Variants in ERMP1 observed in about 807,000 individuals in gnomAD.
ERMP1 encodes the protein Felix-ina.
A neutral mutation model predicts 92.0 loss-of-function variants in ERMP1; 86 were observed. The observed-to-expected ratio is 0.93, with a 90% confidence interval of 0.79 to 1.12. The LOEUF (loss-of-function observed/expected upper bound fraction) is 1.12, where lower values mean the gene tolerates loss of function less well. Ranked by LOEUF, ERMP1 falls within the 50% of genes most tolerant of loss-of-function variation. The pLI is 0.00. For missense variants in ERMP1, 1,342 were observed against 1,116.3 expected, an observed-to-expected ratio of 1.20 and a Z score of -2.88; for synonymous variants, 530 against 412.8, an observed-to-expected ratio of 1.28 and a Z score of -3.44.
intron 2 of ERMP1, among the ~76,000 whole-genome samples, chr9:5,825,530 T>C (rs1323168822): frequency 6.6e-6 from 1 of 152,242 alleles, no homozygotes; most frequent in African/African-American, 2.4e-5. Flanking sequence ...AAACTGGTAT[T>C]CTCAGCAAAC....
At chr9:5,825,838 T>C (rs1829711525) in intron 2 of ERMP1, among the ~76,000 whole-genome samples, 1 of 152,238 alleles carries the variant, frequency 6.6e-6, no homozygotes. Context: ...ACACACTCAG[T>C]TGAATCTCTG....
At chr9:5,801,068 A>G (rs1192592881) in intron 11 of ERMP1, 108 bp downstream of exon 11, 6 of 1,181,486 alleles carry the variant, frequency 5.1e-6, no homozygotes, top group Non-Finnish European at 7.1e-6. Context: ...AGTATGACTA[A>G]ATAGGTCAAC....
Position 5,832,875 on chromosome 9 carries a change from C to T in ERMP1, c.153G>A (p.Lys51=), listed in dbSNP as rs755281684. The T allele has an allele frequency of 2.0e-6, 3 of 1,530,500 alleles. No individual in the cohort carries two copies. Among genetic ancestry groups the T allele is most frequent in the Admixed American group, 1.9e-5 (1 of 52,460 alleles). The allele number at this position is 1,530,500 out of a possible 1,614,324, so 94.8% of individuals were successfully genotyped here. A position where few individuals can be genotyped will look rare whatever the true frequency, so the allele number is the denominator to read the frequency against. The change falls in exon 1 of 15, where the codon AAG becomes AAA. Residue 51 remains lysine (K), a synonymous_variant. Coordinates refer to ENST00000339450, the MANE Select transcript of ERMP1 (RefSeq NM_024896.3). ...CGCCGCCGCTACCCCCGGGGCTCCT[C>T]TTCCGCGTCCTCCCGCCGCCGCTGC... The part of the protein sequence containing the change: ...DGCSGGGRTR[K]RSPGGSGGAS...
intron 9 of ERMP1, 44 bp downstream of exon 9, chr9:5,805,567 T>C (rs1214998736): frequency 6.8e-7 from 1 of 1,460,486 alleles, no homozygotes; most frequent in Admixed American, 2.6e-5. Context: ...CCTTAAGTAT[T>C]TTAAGGTATT....
chr9:5,786,151 AAGAT>A lies in ERMP1; in HGVS notation c.*989_*992del, dbSNP rs1176562805. 1.2e-4 allele frequency: 18 copies of A among 152,328 alleles called. No individual in the cohort carries two copies. In the Middle Eastern group the frequency reaches 0.01, roughly 86 times the overall value. 9.4% of individuals were successfully genotyped at this position (152,328 alleles called of 1,614,324 possible). On this transcript the variant is annotated 3_prime_UTR_variant, in exon 15 of 15. Coordinates refer to ENST00000339450, the MANE Select transcript of ERMP1 (RefSeq NM_024896.3). ...TCTATTCAACTGGCTGGAAAACAAA[AAGAT>A]AGGCCCAGTGCATCAGTAAGATTAT... is the stretch of plus-strand genomic sequence containing the variant.
intron 4 of ERMP1, among the ~76,000 whole-genome samples, chr9:5,822,003 C>A (rs552550342): frequency 1.1e-3 from 169 of 152,300 alleles, no homozygotes; most frequent in African/African-American, 4.0e-3. Flanking sequence ...CCTGTAATCC[C>A]AGCTCTTTGG....
At chr9:5,791,295 G>T (rs1828187886) in intron 13 of ERMP1, 1 of 456,534 alleles carries the variant, frequency 2.2e-6, no homozygotes, top group Non-Finnish European at 4.4e-6. Context: ...GAAGAAAAAA[G>T]TCACAGTATG....
At chr9:5,840,739 T>C (rs547692903) in intron 6 of ERMP1, among the ~76,000 whole-genome samples, 1 of 152,356 alleles carries the variant, frequency 6.6e-6, no homozygotes, top group South Asian at 2.1e-4. Context: ...GTGGGGTTAA[T>C]AGGGTTGTCC....
chr9:5,810,602 A>G (rs575028450), intron 7 of ERMP1, among the ~76,000 whole-genome samples: 2 of 152,234 alleles, frequency 1.3e-5, no homozygotes, highest in Non-Finnish European at 2.9e-5. Context: ...ATGTTGTTAA[A>G]ATAAGGTAAC....
chr9:5,805,587 A>T, intron 9 of ERMP1, 24 bp downstream of exon 9: 3 of 1,541,624 alleles, frequency 1.9e-6, no homozygotes, highest in Non-Finnish European at 2.6e-6. Context: ...TCTCCCATGT[A>T]TATCAAAATC....
At chr9:5,854,259 T>G (rs1037675422) in intron 6 of ERMP1, among the ~76,000 whole-genome samples, 1 of 152,018 alleles carries the variant, frequency 6.6e-6, no homozygotes, top group African/African-American at 2.4e-5. Context: ...TCAGTACTAG[T>G]CAGGCTGAAT....
chr9:5,800,870 TA>T (rs1310071664), intron 11 of ERMP1, among the ~76,000 whole-genome samples: 1 of 152,230 alleles, frequency 6.6e-6, no homozygotes, highest in Non-Finnish European at 1.5e-5. Context: ...TCTATATTTC[TA>T]AAAACTCATT....
chr9:5,864,241 T>C (rs568066690), intron 5 of ERMP1, among the ~76,000 whole-genome samples: 1 of 152,210 alleles, frequency 6.6e-6, no homozygotes, highest in Non-Finnish European at 1.5e-5. Flanking sequence ...CAAAAGGAAA[T>C]AGGATCTCTG....
chr9:5,851,281 C>T (rs1830304627), intron 6 of ERMP1, among the ~76,000 whole-genome samples: 1 of 152,182 alleles, frequency 6.6e-6, no homozygotes, highest in African/African-American at 2.4e-5. Context: ...ATTTGCTATA[C>T]CTTATTTTCC....
chr9:5,815,960 T>C (rs942493319), intron 4 of ERMP1, among the ~76,000 whole-genome samples: 17 of 152,028 alleles, frequency 1.1e-4, no homozygotes, highest in African/African-American at 3.9e-4. Context: ...TATTAAGAAA[T>C]TTATGCTAAA....
chr9:5,791,781 GA>G (rs753423120), intron 13 of ERMP1, among the ~76,000 whole-genome samples: 7 of 152,280 alleles, frequency 4.6e-5, no homozygotes, highest in Non-Finnish European at 8.8e-5. Context: ...CACATGTCTT[GA>G]GTACCCATCA....
At chr9:5,802,038 A>G (rs558083625) in intron 10 of ERMP1, among the ~76,000 whole-genome samples, 34 of 152,346 alleles carry the variant, frequency 2.2e-4, no homozygotes, top group Admixed American at 2.2e-3. Context: ...CAGATCCCTT[A>G]CAGGGTCTGA....
At chr9:5,866,010 CAGTA>C (rs766997132) in intron 5 of ERMP1, among the ~76,000 whole-genome samples, 6 of 152,138 alleles carry the variant, frequency 3.9e-5, no homozygotes, top group African/African-American at 9.6e-5. Context: ...AAGTTTTTGG[CAGTA>C]AGTGTGTTAC....
intron 6 of ERMP1, chr9:5,856,472 C>A (rs544304605): frequency 6.0e-4 from 102 of 170,920 alleles, no homozygotes; most frequent in Non-Finnish European, 1.1e-3. Flanking sequence ...CCAAGACGAC[C>A]AGAGGGAGCA....
Sources: gnomAD v4.1 joint callset for allele counts (sites outside exome capture counted in the v4.1 genomes callset) on GRCh38, gnomAD v4.1.1 for gene constraint, MANE v1.5 for transcripts, NCBI Gene and HGNC (gene_info 2026-07-23, HGNC 2026-07-21) for gene names.